The following PIP5K1B variants were observed in gnomAD, a reference collection of about 807,000 sequenced individuals.
PIP5K1B encodes phosphatidylinositol-4-phosphate 5-kinase type 1 beta.
Under a neutral mutation model 67.0 loss-of-function variants are expected in PIP5K1B, and 42 were observed. The observed-to-expected ratio is 0.63, with a 90% CI of 0.49 to 0.81. The LOEUF (loss-of-function observed/expected upper bound fraction) is 0.81. Ranked by LOEUF, PIP5K1B falls within the 30% of genes least tolerant of loss-of-function variation. The pLI is 0.00. For synonymous variants in PIP5K1B, 214 were observed against 231.4 expected (o/e 0.92, Z 0.68); for missense variants, 459 against 646.3 (o/e 0.71, Z 3.14).
At chr9:68,884,337 G>A (rs1824345860) in intron 6 of PIP5K1B, among the ~76,000 whole-genome samples, 2 of 145,698 alleles carry the variant, frequency 1.4e-5, no homozygotes, top group Admixed American at 6.9e-5. Context: ...ATGAGCAAAG[G>A]ACCTAACTAT....
intron 2 of PIP5K1B, 97 bp downstream of exon 2, chr9:68,742,754 T>A (rs1208190292): frequency 1.3e-5 from 2 of 152,246 alleles, no homozygotes; most frequent in African/African-American, 4.8e-5. Context: ...GCTGGATCTT[T>A]GCTGTTTCTG....
chr9:68,838,201 G>A (rs968228359), intron 4 of PIP5K1B, among the ~76,000 whole-genome samples: 3 of 149,484 alleles, frequency 2.0e-5, no homozygotes, highest in East Asian at 1.9e-4. Flanking sequence ...TATTCTACTC[G>A]GTTCATGACT....
chr9:68,789,322 A>G (rs1831823477), intron 2 of PIP5K1B: 13 of 397,672 alleles, frequency 3.3e-5, no homozygotes, highest in South Asian at 2.9e-4. Context: ...CCCATTGCCA[A>G]GCGTCTCTTC....
intron 4 of PIP5K1B, among the ~76,000 whole-genome samples, chr9:68,860,196 C>G (rs936815120): frequency 6.6e-6 from 1 of 152,104 alleles, no homozygotes; most frequent in African/African-American, 2.4e-5. Flanking sequence ...CTCCCCAAGC[C>G]CCCAGCCCCC....
At chr9:68,850,392 T>C (rs1238942961) in intron 4 of PIP5K1B, among the ~76,000 whole-genome samples, 1 of 152,220 alleles carries the variant, frequency 6.6e-6, no homozygotes, top group Non-Finnish European at 1.5e-5. Context: ...GATAATTGTT[T>C]GTTGAGGGGG....
intron 1 of PIP5K1B, among the ~76,000 whole-genome samples, chr9:68,712,277 C>G (rs1264293999): frequency 6.6e-6 from 1 of 152,170 alleles, no homozygotes; most frequent in Non-Finnish European, 1.5e-5. Flanking sequence ...TTCCTGGGGC[C>G]CTCTCTCACC....
At chr9:68,914,717 TA>T (rs33966149) in intron 8 of PIP5K1B, among the ~76,000 whole-genome samples, 48 of 150,778 alleles carry the variant, frequency 3.2e-4, no homozygotes, top group Middle Eastern at 3.4e-3. Flanking sequence ...TCCATCTCAA[TA>T]AAAAAAATAA....
chr9:68,949,411 A>C (rs1827954008), intron 14 of PIP5K1B, among the ~76,000 whole-genome samples: 1 of 152,220 alleles, frequency 6.6e-6, no homozygotes, highest in Admixed American at 6.5e-5. Flanking sequence ...CTTTGGAAAT[A>C]AACTCTTCTC....
chr9:68,781,152 TC>T, intron 2 of PIP5K1B: 1 of 1,285,364 alleles, frequency 7.8e-7, no homozygotes, highest in Non-Finnish European at 1.1e-6. Context: ...TTTTTGAAAT[TC>T]CCTGAAATGA....
chr9:68,901,253 T>C (rs1428617724), intron 8 of PIP5K1B, among the ~76,000 whole-genome samples: 1 of 152,054 alleles, frequency 6.6e-6, no homozygotes, highest in Non-Finnish European at 1.5e-5. Context: ...CTAAATTACT[T>C]GTTTTGTTTT....
chr9:68,967,097 G>C (rs1419631905), intron 14 of PIP5K1B, among the ~76,000 whole-genome samples: 1 of 152,158 alleles, frequency 6.6e-6, no homozygotes, highest in African/African-American at 2.4e-5. Flanking sequence ...CAGAATTTGG[G>C]GTTGGGTAAA....
chr9:68,953,412 C>T (rs970259836), intron 14 of PIP5K1B, among the ~76,000 whole-genome samples: 8 of 152,002 alleles, frequency 5.3e-5, no homozygotes, highest in Admixed American at 4.6e-4. Flanking sequence ...GGTTTTCATC[C>T]AGGCTGCCTT....
At chr9:68,858,397 C>A (rs1822892540) in intron 4 of PIP5K1B, among the ~76,000 whole-genome samples, 1 of 152,190 alleles carries the variant, frequency 6.6e-6, no homozygotes, top group Non-Finnish European at 1.5e-5. Flanking sequence ...GAAAATAGAT[C>A]TTCTCAGAAA....
chr9:68,833,245 G>A (rs1294611525), intron 4 of PIP5K1B, among the ~76,000 whole-genome samples: 1 of 152,234 alleles, frequency 6.6e-6, no homozygotes, highest in Non-Finnish European at 1.5e-5. Context: ...AGGTATTCAG[G>A]GGACCCTCCC....
chr9:68,851,867 G>C (rs537319563), intron 4 of PIP5K1B, among the ~76,000 whole-genome samples: 1 of 152,232 alleles, frequency 6.6e-6, no homozygotes, highest in African/African-American at 2.4e-5. Context: ...CTGCAGAGCC[G>C]GCCCTCCTTG....
At chr9:68,799,815 A>T (rs1370266912) in intron 2 of PIP5K1B, among the ~76,000 whole-genome samples, 2 of 152,202 alleles carry the variant, frequency 1.3e-5, no homozygotes, top group South Asian at 2.1e-4. Context: ...GCTTCATGAC[A>T]TTGGTTTTGG....
chr9:68,939,447 A>T (rs1377211269), intron 13 of PIP5K1B, among the ~76,000 whole-genome samples: 1 of 152,222 alleles, frequency 6.6e-6, no homozygotes, highest in Non-Finnish European at 1.5e-5. Context: ...GAGAGTTTTC[A>T]TGTTTTTCTT....
At chr9:68,749,432 C>T (rs951529332) in intron 2 of PIP5K1B, among the ~76,000 whole-genome samples, 5 of 152,162 alleles carry the variant, frequency 3.3e-5, no homozygotes, top group Admixed American at 2.6e-4. Flanking sequence ...GCCAGCACCT[C>T]AGTTTCAGCC....
chr9:68,805,146 CTG>C (rs1173226541), intron 2 of PIP5K1B, among the ~76,000 whole-genome samples: 1 of 152,208 alleles, frequency 6.6e-6, no homozygotes, highest in Non-Finnish European at 1.5e-5. Context: ...AGGCAAGAGG[CTG>C]TCAGAGCACC....
Sources: gnomAD v4.1 joint callset for allele counts (sites outside exome capture counted in the v4.1 genomes callset) on GRCh38, gnomAD v4.1.1 for gene constraint, MANE v1.5 for transcripts, NCBI Gene and HGNC (gene_info 2026-07-23, HGNC 2026-07-21) for gene names.